The following SPTB variants were observed in gnomAD, a reference collection of about 807,000 sequenced individuals.
SPTB encodes spectrin beta, erythrocytic.
In SPTB, 45 loss-of-function variants were observed where a neutral mutation model predicts 256.2. The observed-to-expected ratio is 0.18, with a 90% CI of 0.14 to 0.23. The LOEUF is 0.23. Among genes scored for constraint, SPTB ranks in the 10% least tolerant of loss-of-function variants. SPTB has a pLI of 1.00. For synonymous variants in SPTB, 1,231 were observed against 1,243.1 expected (o/e 0.99, Z 0.21); for missense variants, 2,715 against 3,040.4 (o/e 0.89, Z 2.52).
chr14:64,850,476 G>A (rs1199723270), intron 1 of SPTB, among the ~76,000 whole-genome samples: 1 of 152,106 alleles, frequency 6.6e-6, no homozygotes, highest in Non-Finnish European at 1.5e-5. Flanking sequence ...CAGACATATT[G>A]GCCAACATCC....
rs776282987 is a variant in SPTB at position 64,793,319 on chromosome 14, C to T, written c.2344G>A (p.Gly782Arg). The T allele has an allele frequency of 6.2e-7, 1 of 1,608,702 alleles. No individual in the cohort carries two copies. Among genetic ancestry groups the T allele is most frequent in the South Asian group, 1.1e-5 (1 of 91,090 alleles). The change falls in exon 14 of 36, where the codon GGG becomes AGG. Residue 782 changes from glycine (G) to arginine (R), a missense_variant. This residue lies in a region of SPTB where 2,239 missense variants were observed against 2,384.4 expected (regional missense o/e 0.94). Coordinates refer to ENST00000644917, the MANE Select transcript of SPTB (RefSeq NM_001355436.2). The surrounding 1 kb of genome is among the most constrained non-coding windows in gnomAD (Gnocchi z 7.0). ...TCCAGGAAGTCCTTGTGCTTTTTCC[C>T]CAGGGCCCGCGTGGCCCCTTCGTCC... ...GQDEGATRALGKKHKDFLEEL... is the reference protein window; with the variant it reads ...GQDEGATRALRKKHKDFLEEL...
rs1167256532 is a variant in SPTB, at chr14:64,759,586, G to C, written c.6346-5793C>G. On this transcript the variant is annotated intron_variant, in intron 32 of 35. Coordinates refer to ENST00000644917, the MANE Select transcript of SPTB (RefSeq NM_001355436.2). This position sits in a 1 kb window ranked among gnomAD's most constrained non-coding sequence, Gnocchi z 4.8. ...GAGATCTATGGACAGAGAGCACCAG[G>C]AGGGGCGATGCTGGCTACTCATGTG... is the stretch of plus-strand genomic sequence containing the variant. Among the ~76,000 whole-genome samples the C allele has an allele frequency of 6.6e-6, 1 of 152,248 alleles. No individual in the cohort carries two copies. Among genetic ancestry groups the C allele is most frequent in the African/African-American group, 2.4e-5 (1 of 41,476 alleles).
At chr14:64,768,757 C>G (rs2082232094) in intron 29 of SPTB, among the ~76,000 whole-genome samples, 1 of 150,838 alleles carries the variant, frequency 6.6e-6, no homozygotes. Context: ...TGCAGGCATA[C>G]CAGCCCGGGC....
At position 64,746,908 on chromosome 14, in the gene SPTB, C is replaced by G. The variant is rs1407434489; in HGVS notation, c.*2398G>C. ...ATAAGGAGAGAAAAAAAAAAAAAGA[C>G]CTTGCTAGGGCACTGGGAGAGCTTA... On this transcript the variant is annotated 3_prime_UTR_variant, in exon 36 of 36. Transcript: ENST00000644917. This position sits in a 1 kb window ranked among gnomAD's most constrained non-coding sequence, Gnocchi z 4.9. 1 of 152,162 alleles carries G rather than the reference C, an allele frequency of 6.6e-6. No individual in the cohort carries two copies. Among genetic ancestry groups the G allele is most frequent in the Non-Finnish European group, 1.5e-5 (1 of 67,954 alleles). 9.4% of individuals were successfully genotyped at this position (152,162 alleles called of 1,614,324 possible). A position where few individuals can be genotyped will look rare whatever the true frequency, so the allele number is the denominator to read the frequency against.
chr14:64,868,853 C>T (rs1246863260), intron 1 of SPTB, among the ~76,000 whole-genome samples: 1 of 152,064 alleles, frequency 6.6e-6, no homozygotes, highest in Non-Finnish European at 1.5e-5. Flanking sequence ...GCATCTCCAT[C>T]CTTAGATGTC....
intron 1 of SPTB, among the ~76,000 whole-genome samples, chr14:64,865,273 G>A (rs1882104672): frequency 6.6e-6 from 1 of 151,758 alleles, no homozygotes; most frequent in South Asian, 2.1e-4. Context: ...ACTGCCAGGA[G>A]TTTTATAGCT....
intron 2 of SPTB, among the ~76,000 whole-genome samples, chr14:64,814,198 A>G (rs1156876326): frequency 2.6e-5 from 4 of 152,222 alleles, no homozygotes; most frequent in Non-Finnish European, 5.9e-5. Flanking sequence ...AGTCCCAGCT[A>G]CTTGGGAGGC....
At chr14:64,874,355 T>C (rs892064181) in intron 1 of SPTB, among the ~76,000 whole-genome samples, 4 of 152,202 alleles carry the variant, frequency 2.6e-5, no homozygotes, top group Non-Finnish European at 5.9e-5. Context: ...TGCAAGGCCA[T>C]TTTCGCACCA....
intron 3 of SPTB, among the ~76,000 whole-genome samples, chr14:64,804,660 G>A (rs2082948867): frequency 6.6e-6 from 1 of 152,194 alleles, no homozygotes; most frequent in Non-Finnish European, 1.5e-5. Context: ...GGCCATCACA[G>A]GCCAGCTACA....
At chr14:64,798,147 C>G (rs1321718017) in intron 9 of SPTB, among the ~76,000 whole-genome samples, 1 of 152,142 alleles carries the variant, frequency 6.6e-6, no homozygotes, top group Admixed American at 6.5e-5. Context: ...TCTGGTAATT[C>G]CTGTAAATAT....
At chr14:64,849,723 G>A (rs753119163) in intron 1 of SPTB, among the ~76,000 whole-genome samples, 2 of 152,046 alleles carry the variant, frequency 1.3e-5, no homozygotes, top group African/African-American at 4.8e-5. Context: ...GACATTTTTT[G>A]TTTTAATCCA....
chr14:64,749,377 A>G lies in SPTB; in HGVS notation c.6916T>C (p.Ser2306Pro). ...KAQSLPLPSL[S>P]GPDASLGKKD... ...TTGCCGAGGCTGGCGTCGGGGCCGG[A>G]GAGGGAAGGCAGGGGCAGGCTCTGC... Residue 2306 changes from serine to proline, a missense_variant, in exon 36 of 36, where the codon TCC becomes CCC. By Grantham distance (74) the Ser-to-Pro change is moderately conservative. This residue lies in a region of SPTB where 2,239 missense variants were observed against 2,384.4 expected (regional missense o/e 0.94). Coordinates refer to ENST00000644917, the MANE Select transcript of SPTB (RefSeq NM_001355436.2). This position sits in a 1 kb window ranked among gnomAD's most constrained non-coding sequence, Gnocchi z 4.7. 6.2e-7 allele frequency: 1 copy of G among 1,610,252 alleles called. No individual in the cohort carries two copies. The highest frequency in any genetic ancestry group is 8.5e-7 in the Non-Finnish European group (1 of 1,179,770).
chr14:64,843,554 T>C (rs764553104), intron 1 of SPTB, among the ~76,000 whole-genome samples: 4 of 152,178 alleles, frequency 2.6e-5, no homozygotes, highest in Non-Finnish European at 4.4e-5. Flanking sequence ...GCAGCTCCCT[T>C]GTTTCCATCA....
rs770659494 is a variant in SPTB, at chr14:64,785,817, G to A, written c.3696C>T (p.Asn1232=). 3.1e-6 allele frequency: 5 copies of A among 1,613,934 alleles called. No individual in the cohort carries two copies. The highest frequency in any genetic ancestry group is 1.3e-5 in the African/African-American group (1 of 74,856). Residue 1232 remains asparagine, a synonymous_variant, in exon 17 of 36, where the codon AAC becomes AAT. Transcript: ENST00000644917. The surrounding 1 kb of genome is among the most constrained non-coding windows in gnomAD (Gnocchi z 4.4). The part of the protein sequence containing the change: ...DKVLSPVDSG[N]KLVAEGNLYS... ...ATAGGTTTCCCTCAGCTACCAGCTT[G>A]TTTCCAGAGTCCACAGGACTCAAGA...
At chr14:64,876,839 G>A (rs1424442866) in intron 1 of SPTB, among the ~76,000 whole-genome samples, 2 of 152,270 alleles carry the variant, frequency 1.3e-5, no homozygotes, top group East Asian at 1.9e-4. Context: ...CAGTAGTTTG[G>A]TTAGGCAGAA....
intron 32 of SPTB, among the ~76,000 whole-genome samples, chr14:64,762,240 T>A (rs1398549997): frequency 2.0e-4 from 31 of 152,078 alleles, no homozygotes; most frequent in Admixed American, 1.8e-3. Flanking sequence ...CCAACAAACA[T>A]AGGATTTGCA....
chr14:64,843,385 C>T (rs1283019555), intron 1 of SPTB, among the ~76,000 whole-genome samples: 1 of 152,054 alleles, frequency 6.6e-6, no homozygotes, highest in Non-Finnish European at 1.5e-5. Flanking sequence ...CATGTTGTTG[C>T]CCCCTCATTT....
At chr14:64,869,315 T>A (rs953752325) in intron 1 of SPTB, among the ~76,000 whole-genome samples, 2 of 152,254 alleles carry the variant, frequency 1.3e-5, no homozygotes, top group African/African-American at 4.8e-5. Flanking sequence ...ATGCCTTGTA[T>A]CCAAGTTAAA....
intron 2 of SPTB, among the ~76,000 whole-genome samples, chr14:64,819,555 T>C (rs2083253141): frequency 6.6e-6 from 1 of 152,074 alleles, no homozygotes; most frequent in South Asian, 2.1e-4. Flanking sequence ...GAGAGAGACC[T>C]GCATGGCATG....
Sources: allele counts gnomAD v4.1 joint callset (sites outside exome capture counted in the v4.1 genomes callset), GRCh38; gene constraint gnomAD v4.1.1; regional missense constraint gnomAD v4.1.1; non-coding constraint Gnocchi (gnomAD v3.1); transcripts MANE v1.5; gene names NCBI Gene and HGNC (gene_info 2026-07-23, HGNC 2026-07-21).